Variants in ATXN2 observed in about 807,000 individuals in gnomAD.
ATXN2 encodes the protein ataxin 2.
ATXN2 carries 37 observed loss-of-function variants against 138.6 expected under a neutral mutation model. The ratio of observed to expected loss-of-function variants is 0.27; its 90% CI spans 0.21 to 0.35. The LOEUF (loss-of-function observed/expected upper bound fraction) is 0.35. Among genes scored for constraint, ATXN2 ranks in the 10% least tolerant of loss-of-function variants. The pLI, the probability that ATXN2 is intolerant of heterozygous loss-of-function variation, is 1.00. For synonymous variants in ATXN2, 549 were observed against 543.7 expected (o/e 1.01, Z -0.13); for missense variants, 1,216 against 1,480.3 (o/e 0.82, Z 2.93).
rs1877807542 is a variant in ATXN2, at chr12:111,488,689, A to G, written c.2027T>C (p.Ile676Thr). ...GAAAGAATCCTTAGCACTTGGTTCA[A>G]TTTTGTCTTTGATCAAATCTCTTGA... ...EKSRDLIKDKIEPSAKDSFIE... is the reference protein window; with the variant it reads ...EKSRDLIKDKTEPSAKDSFIE... The change falls in exon 15 of 25, where the codon ATT becomes ACT. Residue 676 changes from isoleucine (I) to threonine (T), a missense_variant. Physicochemically the swap from Ile to Thr is moderately conservative, Grantham distance 89. Transcript: ENST00000673436. 6.2e-7 allele frequency: 1 copy of G among 1,613,226 alleles called. No individual in the cohort carries two copies. The highest frequency in any genetic ancestry group is 8.5e-7 in the Non-Finnish European group (1 of 1,179,490).
At chr12:111,547,775 A>AT (rs1881885752) in intron 5 of ATXN2, among the ~76,000 whole-genome samples, 1 of 147,002 alleles carries the variant, frequency 6.8e-6, no homozygotes, top group East Asian at 2.6e-4. Context: ...AAAGCCAAAG[A>AT]TTAAAAAAAA....
rs558469884 is a variant in ATXN2 at position 111,497,973 on chromosome 12, G to A, written c.1936-9193C>T. Among the ~76,000 whole-genome samples, 36 of 152,112 alleles carry A rather than the reference G, an allele frequency of 2.4e-4. No individual in the cohort carries two copies. In the South Asian group the frequency reaches 5.8e-3, roughly 25 times the overall value. On this transcript the variant is annotated intron_variant, in intron 14 of 24. Transcript: ENST00000673436. ...GGAGCTTGCAGTGAGCCAACATTGCGCCACTGCACTCCAGCCTGGGTGACA... is the reference window on the plus strand; with the variant it reads ...GGAGCTTGCAGTGAGCCAACATTGCACCACTGCACTCCAGCCTGGGTGACA...
intron 1 of ATXN2, among the ~76,000 whole-genome samples, chr12:111,582,191 G>A (rs560152340): frequency 3.3e-5 from 5 of 152,132 alleles, no homozygotes; most frequent in East Asian, 1.9e-4. Flanking sequence ...ATTGTAGGGC[G>A]CAGACACTTT....
chr12:111,513,672 G>GA (rs990372971), intron 10 of ATXN2, 133 bp from the exon 11 acceptor site: 59,046 of 434,666 alleles, frequency 0.14, 1 homozygote, highest in East Asian at 0.2. Flanking sequence ...GTTAAAAATA[G>GA]AAAAAAAAAA....
At chr12:111,591,514 T>G (rs1253244852) in intron 1 of ATXN2, among the ~76,000 whole-genome samples, 1 of 151,554 alleles carries the variant, frequency 6.6e-6, no homozygotes, top group South Asian at 2.1e-4. Context: ...TACAAAAAAT[T>G]TAAATGTTAG....
intron 1 of ATXN2, among the ~76,000 whole-genome samples, chr12:111,563,142 A>G (rs1006504166): frequency 2.0e-5 from 3 of 152,206 alleles, no homozygotes; most frequent in Non-Finnish European, 2.9e-5. Flanking sequence ...TCTACAAAAT[A>G]ACCTGTAATC....
At position 111,485,675 on chromosome 12, in the gene ATXN2, T is replaced by A. The variant is rs377639182; in HGVS notation, c.2457+38A>T. ...AGTGCTTGGTGTCAGATACAAACAA[T>A]TGGGGAGGCTAAGTGAACATCAAAT... is the stretch of plus-strand genomic sequence containing the variant. On this transcript the variant is annotated intron_variant, in intron 17 of 24. Coordinates refer to ENST00000673436, the MANE Select transcript of ATXN2 (RefSeq NM_001372574.1). The A allele has an allele frequency of 5.0e-6, 8 of 1,609,392 alleles. No homozygotes were observed. In the Admixed American group the frequency reaches 1.2e-4, roughly 24 times the overall value.
chr12:111,568,217 C>T (rs992507321), intron 1 of ATXN2, among the ~76,000 whole-genome samples: 39 of 151,658 alleles, frequency 2.6e-4, no homozygotes, highest in Non-Finnish European at 1.5e-5. Flanking sequence ...GCCAATATCA[C>T]GACAATGCAC....
chr12:111,503,111 T>C (rs1283906313), intron 14 of ATXN2, among the ~76,000 whole-genome samples: 1 of 152,208 alleles, frequency 6.6e-6, no homozygotes, highest in East Asian at 1.9e-4. Context: ...ACTCTGCATA[T>C]GGCTCAAAAG....
chr12:111,542,038 G>A (rs1287355497), intron 5 of ATXN2, among the ~76,000 whole-genome samples: 1 of 148,918 alleles, frequency 6.7e-6, no homozygotes, highest in Non-Finnish European at 1.5e-5. Flanking sequence ...AAAGTGCTGG[G>A]ATTACAGGCG....
In ATXN2 at chr12:111,599,103, CGCCGGAACGCG is replaced by C; in HGVS notation, c.-80_-70del. On this transcript the variant is annotated 5_prime_UTR_variant, in exon 1 of 25. Transcript: ENST00000673436. ...CCGGGAGCCGGGCGCGCCAAGGAGA[CGCCGGAACGCG>C]GCGGGGACGCGCGGGCGCCGAGCGG... The C allele has an allele frequency of 7.7e-7, 1 of 1,294,968 alleles. No individual in the cohort carries two copies. Among genetic ancestry groups the C allele is most frequent in the Non-Finnish European group, 9.8e-7 (1 of 1,022,680 alleles). 80.2% of individuals were successfully genotyped at this position (1,294,968 alleles called of 1,614,324 possible). A position where few individuals can be genotyped will look rare whatever the true frequency, so the allele number is the denominator to read the frequency against.
At chr12:111,539,195 T>G (rs1286489728) in intron 5 of ATXN2, among the ~76,000 whole-genome samples, 6 of 150,088 alleles carry the variant, frequency 4.0e-5, no homozygotes, top group Non-Finnish European at 6.0e-5. Flanking sequence ...AATATGAAAT[T>G]AGCCTAGGCC....
At chr12:111,478,319 T>C (rs1876971529) in intron 18 of ATXN2, among the ~76,000 whole-genome samples, 1 of 152,032 alleles carries the variant, frequency 6.6e-6, no homozygotes, top group South Asian at 2.1e-4. Flanking sequence ...GGCGTAAGAA[T>C]TGCTTGAACC....
chr12:111,488,387 G>T, intron 15 of ATXN2, 89 bp downstream of exon 15: 2 of 1,352,160 alleles, frequency 1.5e-6, no homozygotes, highest in Non-Finnish European at 2.0e-6. Context: ...AGTCCAGATG[G>T]ATTCTTCACA....
chr12:111,487,365 G>A (rs181926057), intron 15 of ATXN2, among the ~76,000 whole-genome samples: 6 of 151,664 alleles, frequency 4.0e-5, no homozygotes, highest in African/African-American at 1.2e-4. Context: ...GAGCTACCAC[G>A]CCTGGCCAAT....
intron 16 of ATXN2, 21 bp downstream of exon 16, chr12:111,486,740 C>G (rs774655437): frequency 1.3e-6 from 2 of 1,591,628 alleles, no homozygotes; most frequent in Non-Finnish European, 1.7e-6. Flanking sequence ...TAGATAACCT[C>G]AAAGAAAGTA....
Position 111,551,669 on chromosome 12 carries a change from G to A in ATXN2, c.571+611C>T, listed in dbSNP as rs150595356. ...AACTAAAGCATTGTAGGCCAAATGG[G>A]ACAAGAAATTTTCAGTTGAATATAA... On this transcript the variant is annotated intron_variant, in intron 5 of 24. Transcript: ENST00000673436. 4.6e-3 allele frequency among the ~76,000 whole-genome samples: 706 copies of A among 152,200 alleles called. 7 individuals carry two copies. The highest frequency in any genetic ancestry group is 0.016 in the African/African-American group (647 of 41,524).
chr12:111,576,137 T>C (rs61941261), intron 1 of ATXN2, among the ~76,000 whole-genome samples: 29,810 of 88,660 alleles, frequency 0.34, 7,027 homozygotes, highest in Non-Finnish European at 0.39. Context: ...TAACATAACA[T>C]CACACCAAAC....
intron 1 of ATXN2, among the ~76,000 whole-genome samples, chr12:111,588,290 A>G (rs1884447376): frequency 6.6e-6 from 1 of 152,188 alleles, no homozygotes; most frequent in African/African-American, 2.4e-5. Flanking sequence ...TCTATGTAAG[A>G]ATCTTTAAAT....
Sources: allele counts gnomAD v4.1 joint callset (sites outside exome capture counted in the v4.1 genomes callset), GRCh38; gene constraint gnomAD v4.1.1; transcripts MANE v1.5; gene names NCBI Gene and HGNC (gene_info 2026-07-23, HGNC 2026-07-21).